The following ZNF33A variants were observed in gnomAD, a reference collection of about 807,000 sequenced individuals.
ZNF33A encodes the protein zinc finger protein 33A.
A neutral mutation model predicts 15.9 loss-of-function variants in ZNF33A; 9 were observed. The ratio of observed to expected loss-of-function variants is 0.57; its 90% CI spans 0.34 to 0.99. ZNF33A has a LOEUF of 0.99. Among genes scored for constraint, ZNF33A ranks in the 50% least tolerant of loss-of-function variants. ZNF33A has a pLI of 0.02. For missense variants in ZNF33A, 843 were observed against 941.6 expected (o/e 0.90, Z 1.37); for synonymous variants, 294 against 324.2 (o/e 0.91, Z 1.00).
At chr10:38,067,659 T>C (rs1332973667), downstream of ZNF33A, among the ~76,000 whole-genome samples, 4 of 152,136 alleles carry the variant, frequency 2.6e-5, no homozygotes, top group Non-Finnish European at 1.5e-5. Context: ...ATTAACTGGG[T>C]GCAGGGCATT....
chr10:38,056,660 C>T lies in ZNF33A; in HGVS notation c.*100C>T, dbSNP rs2135778490. On this transcript the variant is annotated 3_prime_UTR_variant, in exon 5 of 5. Coordinates refer to ENST00000432900, the MANE Select transcript of ZNF33A (RefSeq NM_006954.2). ...ACAGCTTTTGTTAGGAAGTGATATTCTATGTAATATCAGATGGTTAATACG... is the reference window on the plus strand; with the variant it reads ...ACAGCTTTTGTTAGGAAGTGATATTTTATGTAATATCAGATGGTTAATACG... 6.9e-7 allele frequency: 1 copy of T among 1,448,962 alleles called. No individual in the cohort carries two copies. Among genetic ancestry groups the T allele is most frequent in the South Asian group, 1.7e-5 (1 of 60,576 alleles). 89.8% of individuals were successfully genotyped at this position (1,448,962 alleles called of 1,614,324 possible). A position where few individuals can be genotyped will look rare whatever the true frequency, so the allele number is the denominator to read the frequency against.
At chr10:38,035,914 A>G (rs1390480183) in intron 4 of ZNF33A, among the ~76,000 whole-genome samples, 1 of 152,228 alleles carries the variant, frequency 6.6e-6, no homozygotes, top group African/African-American at 2.4e-5. Flanking sequence ...AGGAAGAAAT[A>G]TATAAGTTCT....
intron 4 of ZNF33A, among the ~76,000 whole-genome samples, chr10:38,025,129 A>G (rs555931366): frequency 6.6e-6 from 1 of 152,344 alleles, no homozygotes; most frequent in Admixed American, 6.5e-5. Flanking sequence ...GCTCAATACT[A>G]TCTGAGGTTT....
chr10:38,012,866 A>G (rs956717531), intron 2 of ZNF33A, among the ~76,000 whole-genome samples: 6 of 152,194 alleles, frequency 3.9e-5, no homozygotes, highest in African/African-American at 1.2e-4. Context: ...TACGTTTCCA[A>G]CAACCATGGC....
rs372842428 is a variant in ZNF33A, at chr10:38,055,446, A to G, written c.1322A>G (p.Tyr441Cys). The change falls in exon 5 of 5, where the codon TAT (tyrosine) becomes TGT (cysteine). Residue 441 changes from tyrosine (Y) to cysteine (C), a missense_variant. By Grantham distance (194) the Tyr-to-Cys change is radical (BLOSUM62 -2). Transcript: ENST00000432900. ...HQRTHTGLKPYECYECGKSFR... is the reference protein window; with the variant it reads ...HQRTHTGLKPCECYECGKSFR... Reference sequence around the variant, plus strand: ...AGAACACACACAGGGCTGAAACCCTATGAATGTTATGAATGTGGAAAATCC... The same window carrying G: ...AGAACACACACAGGGCTGAAACCCTGTGAATGTTATGAATGTGGAAAATCC... The G allele has an allele frequency of 1.9e-6, 3 of 1,613,634 alleles. No homozygotes were observed. Among genetic ancestry groups the G allele is most frequent in the Non-Finnish European group, 2.5e-6 (3 of 1,179,900 alleles).
In ZNF33A at chr10:38,057,389, T is replaced by A. The variant is rs1590723601; in HGVS notation, c.*829T>A. ...AATCAGGGCAATAGCATTAAGCACA[T>A]CTGCGAATTATCCCTGAAGTTCAAA... On this transcript the variant is annotated 3_prime_UTR_variant, in exon 5 of 5. Transcript: ENST00000432900. The A allele has an allele frequency of 1.0e-6, 1 of 985,418 alleles. No individual in the cohort carries two copies. The allele number at this position is 985,418 out of a possible 1,614,324, so 61.0% of individuals were successfully genotyped here. A position where few individuals can be genotyped will look rare whatever the true frequency, so the allele number is the denominator to read the frequency against.
downstream of ZNF33A, chr10:38,064,235 C>G: frequency 1.1e-6 from 1 of 888,760 alleles, no homozygotes; most frequent in Non-Finnish European, 1.8e-6. Context: ...GTGGTCACAT[C>G]TCCAACACTA....
rs2066551261 is a variant in ZNF33A, at chr10:38,057,930, A to G, written c.*1370A>G. 4.1e-6 allele frequency: 4 copies of G among 985,338 alleles called. No homozygotes were observed. The South Asian group carries it at 1.9e-4, about 46-fold the overall frequency. The allele number at this position is 985,338 out of a possible 1,614,324, so 61.0% of individuals were successfully genotyped here. A position where few individuals can be genotyped will look rare whatever the true frequency, so the allele number is the denominator to read the frequency against. On this transcript the variant is annotated 3_prime_UTR_variant, in exon 5 of 5. Coordinates refer to ENST00000432900, the MANE Select transcript of ZNF33A (RefSeq NM_006954.2). ...GGCCCTCAGACTTTTGAGAATATGA[A>G]GAGGAGGGTTGAGGCTGGAGCAGAA...
intron 2 of ZNF33A, 48 bp downstream of exon 2, chr10:38,012,398 A>G (rs765483936): frequency 6.1e-5 from 68 of 1,106,362 alleles, no homozygotes; most frequent in Middle Eastern, 2.1e-4. Flanking sequence ...GGACTTTGTG[A>G]GATTTGTAAG....
intron 1 of ZNF33A, 46 bp downstream of exon 1, chr10:38,010,829 G>C (rs767416804): frequency 1.2e-5 from 19 of 1,594,408 alleles, no homozygotes; most frequent in Admixed American, 3.3e-5. Flanking sequence ...AGCCCCGCGC[G>C]ACTCCTGGGG....
At position 38,056,486 on chromosome 10, in the gene ZNF33A, C is replaced by G. The variant is rs2066493416; in HGVS notation, c.2362C>G (p.Gln788Glu). 1 of 1,612,916 alleles carries G rather than the reference C, an allele frequency of 6.2e-7. No homozygotes were observed. The highest frequency in any genetic ancestry group is 1.1e-5 in the South Asian group (1 of 90,908). The change falls in exon 5 of 5, where the codon CAA becomes GAA. Residue 788 changes from glutamine to glutamate, a missense_variant. Coordinates refer to ENST00000432900, the MANE Select transcript of ZNF33A (RefSeq NM_006954.2). ...AATGGATATTAGAAATTTCCAGCCA[C>G]AAGTCAGCCTCCATAATGCCTCAGA... ...NEMDIRNFQP[Q>E]VSLHNASEYS... is the part of the protein sequence containing the mutation.
At chr10:38,051,070 T>G (rs1053374400) in intron 4 of ZNF33A, among the ~76,000 whole-genome samples, 17 of 143,086 alleles carry the variant, frequency 1.2e-4, no homozygotes, top group African/African-American at 4.5e-4. Flanking sequence ...TAAAAATAGT[T>G]TTTTTTTTAC....
chr10:38,041,958 C>T (rs2065719830), intron 4 of ZNF33A, among the ~76,000 whole-genome samples: 1 of 152,016 alleles, frequency 6.6e-6, no homozygotes, highest in African/African-American at 2.4e-5. Flanking sequence ...CTTAAGTTTC[C>T]TCCCCTTGCC....
At chr10:38,052,370 T>A (rs1229835931) in intron 4 of ZNF33A, among the ~76,000 whole-genome samples, 1 of 152,114 alleles carries the variant, frequency 6.6e-6, no homozygotes, top group Non-Finnish European at 1.5e-5. Context: ...TTTGCAATAG[T>A]ATCAAAAATA....
intron 4 of ZNF33A, among the ~76,000 whole-genome samples, chr10:38,046,476 A>G (rs1456014505): frequency 6.6e-6 from 1 of 152,158 alleles, no homozygotes; most frequent in Non-Finnish European, 1.5e-5. Context: ...AGATTTGCCT[A>G]AGAAATCATA....
chr10:38,042,503 C>CTTTTTTTTTTTTTTTTCTTT (rs34942508), intron 4 of ZNF33A, among the ~76,000 whole-genome samples: 1 of 135,522 alleles, frequency 7.4e-6, no homozygotes, highest in Non-Finnish European at 1.6e-5. Context: ...TTGCTTTATT[C>CTTTTTTTTTTTTTTTTCTTT]TTTTTTTTTT....
chr10:38,030,776 GA>G (rs1371118832), intron 4 of ZNF33A, among the ~76,000 whole-genome samples: 1 of 152,094 alleles, frequency 6.6e-6, no homozygotes, highest in Non-Finnish European at 1.5e-5. Context: ...TTGAGGGAGT[GA>G]CCACCTAGGC....
chr10:38,023,628 A>G (rs2064851611), intron 4 of ZNF33A, among the ~76,000 whole-genome samples: 1 of 152,222 alleles, frequency 6.6e-6, no homozygotes, highest in South Asian at 2.1e-4. Context: ...ATGAATGAAC[A>G]TGCACAAAAT....
At chr10:38,026,403 C>T (rs1361675112) in intron 4 of ZNF33A, among the ~76,000 whole-genome samples, 6 of 152,166 alleles carry the variant, frequency 3.9e-5, no homozygotes, top group South Asian at 2.1e-4. Flanking sequence ...GGTGCGATCT[C>T]GGCTCACCAC....
Sources: gnomAD v4.1 joint callset for allele counts (sites outside exome capture counted in the v4.1 genomes callset) on GRCh38, gnomAD v4.1.1 for gene constraint, MANE v1.5 for transcripts, NCBI Gene and HGNC (gene_info 2026-07-23, HGNC 2026-07-21) for gene names.